The following CLCNKA variants were observed in gnomAD, a reference collection of about 807,000 sequenced individuals.
CLCNKA encodes chloride voltage-gated channel Ka.
CLCNKA carries 66 observed loss-of-function variants against 83.3 expected under a neutral mutation model. The ratio of observed to expected loss-of-function variants is 0.79; its 90% CI spans 0.65 to 0.97. The LOEUF is 0.97. CLCNKA is among the 50% of genes least tolerant of loss of function. The pLI is 0.00. For missense variants in CLCNKA, 806 were observed against 888.7 expected (o/e 0.91, Z 1.18); for synonymous variants, 357 against 370.4 (o/e 0.96, Z 0.42).
chr1:16,028,627 C>G (rs565952063), intron 10 of CLCNKA, 134 bp from the exon 11 acceptor site: 1 of 1,135,898 alleles, frequency 8.8e-7, no homozygotes, highest in Non-Finnish European at 1.3e-6. Context: ...CCCGCCCTTC[C>G]TCCTCACCAG....
In CLCNKA at chr1:16,029,918, G is replaced by A. The variant is rs774561185; in HGVS notation, c.1298-47G>A. The A allele has an allele frequency of 3.8e-6, 6 of 1,599,434 alleles. No homozygotes were observed. The Admixed American group carries it at 1.0e-4, about 27-fold the overall frequency. On this transcript the variant is annotated intron_variant, in intron 13 of 19. Coordinates refer to ENST00000331433, the MANE Select transcript of CLCNKA (RefSeq NM_004070.4). ...ATGGTCCTCAGGGATGGAGGGCTGTGGGGGCCGGGTCAGCCTGGCTCCCCC... is the reference window on the plus strand; with the variant it reads ...ATGGTCCTCAGGGATGGAGGGCTGTAGGGGCCGGGTCAGCCTGGCTCCCCC...
intron 15 of CLCNKA, 84 bp downstream of exon 15, chr1:16,030,758 A>C: frequency 4.5e-6 from 7 of 1,562,682 alleles, no homozygotes; most frequent in Non-Finnish European, 6.1e-6. Flanking sequence ...CCAAAAAGAA[A>C]CACCACCGCA....
In CLCNKA at chr1:16,027,205, G is replaced by A. The variant is rs573644731; in HGVS notation, c.656-105G>A. On this transcript the variant is annotated intron_variant, in intron 7 of 19. Coordinates refer to ENST00000331433, the MANE Select transcript of CLCNKA (RefSeq NM_004070.4). The stretch of plus-strand genomic sequence containing the variant: ...CTGTCTGTCCCTGTCCGGGCTGTAG[G>A]ACAGCAGGACAGATGGCTCAGGGAG... 61 of 1,521,462 alleles carry A rather than the reference G, an allele frequency of 4.0e-5. No individual in the cohort carries two copies. The African/African-American group carries it at 6.5e-4, about 16-fold the overall frequency. 94.2% of individuals were successfully genotyped at this position (1,521,462 alleles called of 1,614,324 possible).
rs370236498 is a variant in CLCNKA, at chr1:16,029,773, G to A, written c.1270G>A (p.Gly424Arg). ...GGCCACCACCATCCCCATGCCTGCC[G>A]GGTACTTCATGCCCATCTTTATCCT... ...ILATTIPMPA[G>R]YFMPIFILGA... Residue 424 changes from glycine (G) to arginine (R), a missense_variant, in exon 13 of 20, where the codon GGG (glycine) becomes AGG (arginine). Coordinates refer to ENST00000331433, the MANE Select transcript of CLCNKA (RefSeq NM_004070.4). The A allele has an allele frequency of 3.3e-5, 53 of 1,614,012 alleles. No homozygotes were observed. The Middle Eastern group carries it at 4.9e-4, about 15-fold the overall frequency.
intron 4 of CLCNKA, 147 bp downstream of exon 4, chr1:16,025,038 G>T: frequency 9.1e-7 from 1 of 1,096,428 alleles, no homozygotes; most frequent in Non-Finnish European, 1.4e-6. Flanking sequence ...ACAGCAAGAA[G>T]GCCAGATCTT....
chr1:16,029,418 T>C (rs1192890004), intron 12 of CLCNKA, 119 bp downstream of exon 12: 34 of 1,469,612 alleles, frequency 2.3e-5, no homozygotes, highest in Non-Finnish European at 2.8e-5. Flanking sequence ...CACTTCCTTC[T>C]GTGCCCCCTG....
chr1:16,032,114 G>A, intron 16 of CLCNKA, 89 bp from the exon 17 acceptor site: 1 of 1,329,724 alleles, frequency 7.5e-7, no homozygotes, highest in Non-Finnish European at 1.1e-6. Context: ...GTAGGAGCAT[G>A]GGGACACCAC....
chr1:16,030,528 C>T lies in CLCNKA; in HGVS notation c.1476C>T (p.Thr492=), dbSNP rs550936753. 5.0e-5 allele frequency: 81 copies of T among 1,613,120 alleles called. No individual in the cohort carries two copies. The East Asian group carries it at 8.9e-4, about 18-fold the overall frequency. Residue 492 remains threonine, a synonymous_variant, in exon 15 of 20, where the codon ACC becomes ACT. Transcript: ENST00000331433. ...CGGCGCTGCTGGCCTTTGAGCTGACCGGCCAGATAGTGCATGCACTGCCCG... is the reference window on the plus strand; with the variant it reads ...CGGCGCTGCTGGCCTTTGAGCTGACTGGCCAGATAGTGCATGCACTGCCCG... ...ISTALLAFEL[T]GQIVHALPVL...
chr1:16,027,476 G>T (rs778220973), intron 8 of CLCNKA, 41 bp downstream of exon 8: 1 of 1,610,780 alleles, frequency 6.2e-7, no homozygotes, highest in Non-Finnish European at 8.5e-7. Context: ...CTGCCTGGGG[G>T]CCGGGGCGAG....
In CLCNKA at chr1:16,024,877, C is replaced by T. The variant is rs375992567; in HGVS notation, c.344C>T (p.Thr115Met). ...SFSSGFSQSI[T>M]PSSGGSGIPE... ...TCCTCAGGCTTCTCCCAGAGCATCA[C>T]GCCCTCCTCTGGAGGTGAGTCCACG... The change falls in exon 4 of 20, where the codon ACG becomes ATG. Residue 115 changes from threonine to methionine, a missense_variant. Transcript: ENST00000331433. 3.0e-5 allele frequency: 49 copies of T among 1,614,060 alleles called. 1 individual carries two copies. Among genetic ancestry groups the T allele is most frequent in the South Asian group, 1.6e-4 (15 of 91,082 alleles).
intron 7 of CLCNKA, 36 bp from the exon 8 acceptor site, chr1:16,027,274 G>C (rs2022399994): frequency 6.2e-7 from 1 of 1,611,670 alleles, no homozygotes; most frequent in African/African-American, 1.3e-5. Flanking sequence ...AGGTGGGTGG[G>C]GGTGGGGGCC....
chr1:16,029,707 GC>G (rs1261038788), intron 12 of CLCNKA, 23 bp from the exon 13 acceptor site: 7 of 1,613,874 alleles, frequency 4.3e-6, no homozygotes, highest in Non-Finnish European at 5.9e-6. Context: ...TCTAACCTCT[GC>G]CCTGGGCTCC....
chr1:16,026,663 G>A (rs762455464), intron 6 of CLCNKA, 34 bp from the exon 7 acceptor site: 1 of 1,613,590 alleles, frequency 6.2e-7, no homozygotes, highest in Admixed American at 1.7e-5. Flanking sequence ...GGAGGGAGGG[G>A]GCTGACTCTG....
At chr1:16,033,284 G>T (rs777252445) in intron 19 of CLCNKA, 28 bp downstream of exon 19, 2 of 1,611,512 alleles carry the variant, frequency 1.2e-6, no homozygotes, top group African/African-American at 1.3e-5. Context: ...GCAGAGCAAA[G>T]CAGGGGACCC....
chr1:16,022,664 T>A lies in CLCNKA; in HGVS notation c.45T>A (p.Pro15=). 6.4e-7 allele frequency: 1 copy of A among 1,567,258 alleles called. No homozygotes were observed. The highest frequency in any genetic ancestry group is 1.9e-5 in the Admixed American group (1 of 53,254). ...TGCGTGAGGGCTTCTCAGGGGACCC[T>A]GTGACTCTGCAGGAGCTGTGGGGCC... ...VGLREGFSGD[P]VTLQELWGPC... The change falls in exon 2 of 20, where the codon CCT becomes CCA. Residue 15 remains proline, a synonymous_variant. Transcript: ENST00000331433.
intron 18 of CLCNKA, 97 bp from the exon 19 acceptor site, chr1:16,033,073 C>T: frequency 7.7e-7 from 1 of 1,299,984 alleles, no homozygotes; most frequent in Non-Finnish European, 1.1e-6. Context: ...ATATCAGGCC[C>T]CGCCCCTCTT....
At position 16,024,052 on chromosome 1, in the gene CLCNKA, C is replaced by G. The variant is rs186399209; in HGVS notation, c.229+124C>G. ...CCTGGGTGCGGGGAGGGCTCTGGCTCTACTCCTGATTTGCTCTGTGATCCT... is the reference window on the plus strand; with the variant it reads ...CCTGGGTGCGGGGAGGGCTCTGGCTGTACTCCTGATTTGCTCTGTGATCCT... On this transcript the variant is annotated intron_variant, in intron 3 of 19. Coordinates refer to ENST00000331433, the MANE Select transcript of CLCNKA (RefSeq NM_004070.4). 1.8e-4 allele frequency: 218 copies of G among 1,186,286 alleles called. 1 individual carries two copies. The East Asian group carries it at 4.9e-3, about 27-fold the overall frequency. The allele number at this position is 1,186,286 out of a possible 1,614,324, so 73.5% of individuals were successfully genotyped here.
At chr1:16,027,091 G>C (rs1163398533) in intron 7 of CLCNKA, among the ~76,000 whole-genome samples, 3 of 152,218 alleles carry the variant, frequency 2.0e-5, no homozygotes, top group Non-Finnish European at 2.9e-5. Context: ...CACCCGATAG[G>C]GAGAGGGCGC....
chr1:16,025,635 C>G (rs565733498), intron 4 of CLCNKA, among the ~76,000 whole-genome samples: 1 of 151,840 alleles, frequency 6.6e-6, no homozygotes, highest in Non-Finnish European at 1.5e-5. Context: ...TATAATGAGC[C>G]GAGATCGAAC....
Sources: gnomAD v4.1 joint callset for allele counts (sites outside exome capture counted in the v4.1 genomes callset) on GRCh38, gnomAD v4.1.1 for gene constraint, MANE v1.5 for transcripts, NCBI Gene and HGNC (gene_info 2026-07-23, HGNC 2026-07-21) for gene names.